The following EPHA7 variants were observed in gnomAD, a reference collection of about 807,000 sequenced individuals.
EPHA7 encodes EPH receptor A7.
A neutral mutation model predicts 112.6 loss-of-function variants in EPHA7; 25 were observed. The observed-to-expected ratio is 0.22, with a 90% confidence interval of 0.16 to 0.31. The LOEUF (loss-of-function observed/expected upper bound fraction) is 0.31. EPHA7 is among the 10% of genes least tolerant of loss of function. The probability of loss-of-function intolerance (pLI) is 1.00; values close to 1 mark genes in which losing one functional copy is unlikely to be tolerated. For missense variants in EPHA7, 962 were observed against 1,212.6 expected, an observed-to-expected ratio of 0.79 and a Z score of 3.07; for synonymous variants, 437 against 406.5, an observed-to-expected ratio of 1.07 and a Z score of -0.90.
At chr6:93,333,619 A>C (rs1437088399) in intron 5 of EPHA7, among the ~76,000 whole-genome samples, 1 of 151,732 alleles carries the variant, frequency 6.6e-6, no homozygotes, top group African/African-American at 2.4e-5. Flanking sequence ...CATTTCTTTA[A>C]TGATTAGTGA....
intron 3 of EPHA7, among the ~76,000 whole-genome samples, chr6:93,397,166 A>G (rs778030567): frequency 6.6e-6 from 1 of 151,766 alleles, no homozygotes; most frequent in Non-Finnish European, 1.5e-5. Context: ...AAAAAATACA[A>G]TACCAACACT....
intron 5 of EPHA7, among the ~76,000 whole-genome samples, chr6:93,320,024 T>C (rs1216658034): frequency 6.6e-6 from 1 of 151,988 alleles, no homozygotes; most frequent in Non-Finnish European, 1.5e-5. Flanking sequence ...ATAAATTGGA[T>C]AAAATATTAT....
chr6:93,364,535 CAA>C (rs35503890), intron 3 of EPHA7, among the ~76,000 whole-genome samples: 34 of 90,336 alleles, frequency 3.8e-4, no homozygotes, highest in African/African-American at 9.9e-4. Flanking sequence ...AACTCCGTCT[CAA>C]AAAAAAAAAA....
intron 3 of EPHA7, among the ~76,000 whole-genome samples, chr6:93,391,847 G>T (rs138941710): frequency 2.7e-4 from 41 of 150,748 alleles, no homozygotes; most frequent in African/African-American, 8.7e-4. Flanking sequence ...CCTAAAAATA[G>T]AATAAAAATT....
chr6:93,401,893 G>A lies in EPHA7; in HGVS notation c.832+8608C>T, dbSNP rs1033616365. On this transcript the variant is annotated intron_variant, in intron 3 of 16. Coordinates refer to ENST00000369303, the MANE Select transcript of EPHA7 (RefSeq NM_004440.4). Reference sequence around the variant, plus strand: ...TATTTCTATAAAATAACTAATGATAGACAATATCATCATGAATATTTCATA... The same window carrying A: ...TATTTCTATAAAATAACTAATGATAAACAATATCATCATGAATATTTCATA... Among the ~76,000 whole-genome samples the A allele has an allele frequency of 2.0e-5, 3 of 151,960 alleles. 1 individual carries two copies. The highest frequency in any genetic ancestry group is 6.8e-3 in the Middle Eastern group (2 of 294).
In EPHA7 at chr6:93,350,867, C is replaced by A. The variant is rs115862815; in HGVS notation, c.1324+5850G>T. Among the ~76,000 whole-genome samples the A allele has an allele frequency of 2.2e-3, 337 of 152,080 alleles. 4 individuals carry two copies. The highest frequency in any genetic ancestry group is 7.9e-3 in the African/African-American group (327 of 41,512). Reference sequence around the variant, plus strand: ...CTGTTCAAAAACACTCCGGTTTCCCCGCTGTCTATCAGAAAAGATTCTTTT... The same window carrying A: ...CTGTTCAAAAACACTCCGGTTTCCCAGCTGTCTATCAGAAAAGATTCTTTT... On this transcript the variant is annotated intron_variant, in intron 5 of 16. Transcript: ENST00000369303.
intron 3 of EPHA7, among the ~76,000 whole-genome samples, chr6:93,405,877 C>T (rs1778698262): frequency 7.1e-6 from 1 of 140,270 alleles, no homozygotes; most frequent in Admixed American, 7.4e-5. Context: ...TATATAAAGA[C>T]TCATTTGTTA....
intron 5 of EPHA7, among the ~76,000 whole-genome samples, chr6:93,354,864 G>GT (rs1562119129): frequency 1.3e-5 from 2 of 151,964 alleles, no homozygotes; most frequent in African/African-American, 4.8e-5. Flanking sequence ...ACTATTTCTG[G>GT]TATCAGTTCA....
In EPHA7 at chr6:93,292,013, T is replaced by C. The variant is rs963304057; in HGVS notation, c.1325-19591A>G. On this transcript the variant is annotated intron_variant, in intron 5 of 16. Coordinates refer to ENST00000369303, the MANE Select transcript of EPHA7 (RefSeq NM_004440.4). ...AATATTTTCAAATCAACATAAATTT[T>C]ACTTCTCATATTTGGAATTAAACAA... is the stretch of plus-strand genomic sequence containing the variant. Among the ~76,000 whole-genome samples, 8 of 152,220 alleles carry C rather than the reference T, an allele frequency of 5.3e-5. No individual in the cohort carries two copies. In the East Asian group the frequency reaches 1.4e-3, roughly 26 times the overall value.
intron 3 of EPHA7, among the ~76,000 whole-genome samples, chr6:93,387,924 C>CAGACAGATAGATAGATAGAT (rs1310430859): frequency 8.9e-5 from 13 of 145,566 alleles, no homozygotes; most frequent in African/African-American, 1.8e-4. Context: ...GATAGATAGA[C>CAGACAGATAGATAGATAGAT]AGATAGATAG....
In EPHA7 at chr6:93,359,661, T is replaced by C. The variant is rs185427942; in HGVS notation, c.833-1250A>G. On this transcript the variant is annotated intron_variant, in intron 3 of 16. Transcript: ENST00000369303. ...AGATGTCATAGTTTCCAGAAAACAG[T>C]TGAGTCATCCCTTAACTTCTGTTCA... Among the ~76,000 whole-genome samples, 351 of 152,128 alleles carry C rather than the reference T, an allele frequency of 2.3e-3. 3 individuals are homozygous for C. The highest frequency in any genetic ancestry group is 4.0e-3 in the Non-Finnish European group (273 of 67,976).
chr6:93,350,936 ATT>A (rs1256584442), intron 5 of EPHA7, among the ~76,000 whole-genome samples: 2 of 152,056 alleles, frequency 1.3e-5, no homozygotes, highest in Admixed American at 1.3e-4. Flanking sequence ...ACAAATCTTT[ATT>A]CATCCAGTTC....
At chr6:93,260,695 A>T (rs1221155356) in intron 9 of EPHA7, 2 of 977,734 alleles carry the variant, frequency 2.0e-6, no homozygotes, top group East Asian at 2.3e-4. Context: ...ATTCTGCTGT[A>T]GTTGATTGTT....
intron 9 of EPHA7, chr6:93,260,757 C>A (rs1000747573): frequency 1.0e-6 from 1 of 976,940 alleles, no homozygotes; most frequent in Admixed American, 6.4e-5. Flanking sequence ...ATAAAACTGA[C>A]AGATGCTCAT....
chr6:93,252,834 T>G (rs2127852981), intron 14 of EPHA7, among the ~76,000 whole-genome samples: 1 of 152,076 alleles, frequency 6.6e-6, no homozygotes, highest in South Asian at 2.1e-4. Flanking sequence ...GCCAAATATT[T>G]TAGGTTAAAA....
rs1226937174 is a variant in EPHA7 at position 93,373,404 on chromosome 6, T to C, written c.833-14993A>G. On this transcript the variant is annotated intron_variant, in intron 3 of 16. Coordinates refer to ENST00000369303, the MANE Select transcript of EPHA7 (RefSeq NM_004440.4). ...TGAGTCAAGAACAGAAGCCCTGACTTATTAGAAATGGTGAATTCCATAAGG... is the reference window on the plus strand; with the variant it reads ...TGAGTCAAGAACAGAAGCCCTGACTCATTAGAAATGGTGAATTCCATAAGG... Among the ~76,000 whole-genome samples, 3 of 152,036 alleles carry C rather than the reference T, an allele frequency of 2.0e-5. No homozygotes were observed. The East Asian group carries it at 5.8e-4, about 29-fold the overall frequency.
chr6:93,250,426 C>T (rs140579919), intron 14 of EPHA7, among the ~76,000 whole-genome samples: 628 of 152,028 alleles, frequency 4.1e-3, no homozygotes, highest in African/African-American at 0.014. Context: ...TTGATTCTTA[C>T]AAAAACCTTA....
chr6:93,348,553 A>G (rs1582567863), intron 5 of EPHA7, among the ~76,000 whole-genome samples: 1 of 151,980 alleles, frequency 6.6e-6, no homozygotes, highest in South Asian at 2.1e-4. Context: ...TTTTATAAGA[A>G]GGTTAAGCTT....
intron 16 of EPHA7, among the ~76,000 whole-genome samples, chr6:93,244,862 GA>G (rs1289407913): frequency 2.0e-5 from 3 of 152,126 alleles, no homozygotes; most frequent in Non-Finnish European, 4.4e-5. Context: ...CAAACATGGT[GA>G]AAGAAATCCT....
Sources: gnomAD v4.1 joint callset for allele counts (sites outside exome capture counted in the v4.1 genomes callset) on GRCh38, gnomAD v4.1.1 for gene constraint, MANE v1.5 for transcripts, NCBI Gene and HGNC (gene_info 2026-07-23, HGNC 2026-07-21) for gene names.